CCDC141: variants seen among roughly 807,000 people sequenced by gnomAD.
The protein encoded by CCDC141 is coiled-coil domain containing 141.
In CCDC141, 168 loss-of-function variants were observed where a neutral mutation model predicts 181.0. The ratio of observed to expected loss-of-function variants is 0.93; its 90% confidence interval spans 0.82 to 1.05. CCDC141 has a LOEUF of 1.05. Among genes scored for constraint, CCDC141 ranks in the 50% least tolerant of loss-of-function variants. The pLI is 0.00. For missense variants in CCDC141, 1,902 were observed against 1,788.5 expected (o/e 1.06, Z -1.14); for synonymous variants, 666 against 642.3 (o/e 1.04, Z -0.56).
At chr2:179,033,925 C>T (rs964833182) in intron 2 of CCDC141, among the ~76,000 whole-genome samples, 6 of 152,094 alleles carry the variant, frequency 3.9e-5, no homozygotes, top group Non-Finnish European at 8.8e-5. Flanking sequence ...AGTAAGAAGC[C>T]TGGGGCTCAG....
In CCDC141 at chr2:178,954,507, T is replaced by G. The variant is rs573122152; in HGVS notation, c.780+6723A>C. 3.3e-5 allele frequency among the ~76,000 whole-genome samples: 5 copies of G among 152,302 alleles called. No homozygotes were observed. The South Asian group carries it at 1.0e-3, about 32-fold the overall frequency. On this transcript the variant is annotated intron_variant, in intron 5 of 23. Coordinates refer to ENST00000443758, the MANE Select transcript of CCDC141 (RefSeq NM_173648.4). Reference sequence around the variant, plus strand: ...TCCTGCAATTGATGTGAATCCTAAGTCCCCATCATGCTGGTCACCTAATTT... The same window carrying G: ...TCCTGCAATTGATGTGAATCCTAAGGCCCCATCATGCTGGTCACCTAATTT...
intron 6 of CCDC141, among the ~76,000 whole-genome samples, chr2:178,936,133 C>A (rs116424763): frequency 6.6e-6 from 1 of 151,948 alleles, no homozygotes; most frequent in Admixed American, 6.6e-5. Context: ...TGCTTTGTTG[C>A]AATTGTTTTT....
the CCDC141 span, among the ~76,000 whole-genome samples, chr2:178,824,010 C>G: frequency 6.6e-6 from 1 of 151,330 alleles, no homozygotes; most frequent in Non-Finnish European, 1.5e-5. Context: ...TCATATATCA[C>G]CTGGGCATTT....
chr2:178,883,663 G>C (rs1358833423), intron 11 of CCDC141, among the ~76,000 whole-genome samples: 1 of 152,172 alleles, frequency 6.6e-6, no homozygotes, highest in African/African-American at 2.4e-5. Context: ...CTACCCCTGA[G>C]TGAACCCTAC....
chr2:178,994,186 A>G (rs546192545), intron 2 of CCDC141, among the ~76,000 whole-genome samples: 8 of 152,250 alleles, frequency 5.3e-5, no homozygotes, highest in Admixed American at 2.0e-4. Flanking sequence ...CCAACCCCAC[A>G]TTTCCCTTCT....
At chr2:178,855,238 G>A (rs1321892746) in intron 19 of CCDC141, 109 bp downstream of exon 19, 27 of 847,956 alleles carry the variant, frequency 3.2e-5, no homozygotes, top group Non-Finnish European at 4.6e-5. Context: ...AAAGGAGCAT[G>A]ATACATGAAT....
chr2:179,017,079 C>T (rs936016231), intron 2 of CCDC141, among the ~76,000 whole-genome samples: 10 of 151,782 alleles, frequency 6.6e-5, no homozygotes, highest in Non-Finnish European at 1.2e-4. Context: ...TCATACAGCA[C>T]GAATATTTGT....
At chr2:178,992,617 C>G (rs571406989) in intron 2 of CCDC141, among the ~76,000 whole-genome samples, 1 of 152,246 alleles carries the variant, frequency 6.6e-6, no homozygotes, top group African/African-American at 2.4e-5. Context: ...AAACTGTGAA[C>G]AGTTTTGTGT....
At chr2:178,944,796 G>A in intron 5 of CCDC141, 145 bp from the exon 6 acceptor site, 1 of 422,444 alleles carries the variant, frequency 2.4e-6, no homozygotes, top group Non-Finnish European at 4.2e-6. Flanking sequence ...AAAATAATAT[G>A]AACAAGTTTA....
intron 2 of CCDC141, among the ~76,000 whole-genome samples, chr2:179,014,363 A>G (rs1173951336): frequency 2.6e-5 from 4 of 152,174 alleles, no homozygotes; most frequent in Non-Finnish European, 5.9e-5. Context: ...TTGCTTACGT[A>G]AGGATTTCAT....
At chr2:179,007,625 G>T (rs1188904002) in intron 2 of CCDC141, among the ~76,000 whole-genome samples, 1 of 152,074 alleles carries the variant, frequency 6.6e-6, no homozygotes, top group Non-Finnish European at 1.5e-5. Context: ...ATGGGTGAGG[G>T]TCAGAAACAA....
Position 178,831,345 on chromosome 2 carries a change from T to C in CCDC141, c.*2828A>G, listed in dbSNP as rs1684241853. On this transcript the variant is annotated 3_prime_UTR_variant, in exon 24 of 24. Transcript: ENST00000443758. ...TCTTCAAAGTATCAAGTATTTATAA[T>C]TTGTTTAAGAGTTTAGAAGTTTTAA... 1 of 152,328 alleles carries C rather than the reference T, an allele frequency of 6.6e-6. No homozygotes were observed. The highest frequency in any genetic ancestry group is 1.5e-5 in the Non-Finnish European group (1 of 68,020). The allele number at this position is 152,328 out of a possible 1,614,324, so 9.4% of individuals were successfully genotyped here. A position where few individuals can be genotyped will look rare whatever the true frequency, so the allele number is the denominator to read the frequency against.
At chr2:179,010,079 T>C (rs928173865) in intron 2 of CCDC141, among the ~76,000 whole-genome samples, 2 of 151,994 alleles carry the variant, frequency 1.3e-5, no homozygotes, top group East Asian at 3.9e-4. Context: ...GTTTTTAAAT[T>C]AACCCAATCC....
At chr2:179,002,418 GGACT>G in intron 2 of CCDC141, 1 of 362,434 alleles carries the variant, frequency 2.8e-6, no homozygotes. Flanking sequence ...GGATGTTCCT[GGACT>G]GACTGACACC....
chr2:178,825,139 G>A (rs543943762), downstream of CCDC141, among the ~76,000 whole-genome samples: 3 of 152,240 alleles, frequency 2.0e-5, no homozygotes, highest in South Asian at 2.1e-4. Flanking sequence ...TGCCAAAATA[G>A]CCGTTTGTAT....
At chr2:179,015,603 A>ATATCTCATATATATCTCATATG (rs1553503103) in intron 2 of CCDC141, among the ~76,000 whole-genome samples, 4,439 of 63,668 alleles carry the variant, frequency 0.07, 1,202 homozygotes, top group Non-Finnish European at 0.13. Context: ...TGTATCTCAT[A>ATATCTCATATATATCTCATATG]TATCTCATAT....
chr2:178,955,767 A>G (rs910293758), intron 5 of CCDC141, among the ~76,000 whole-genome samples: 1 of 152,246 alleles, frequency 6.6e-6, no homozygotes, highest in Non-Finnish European at 1.5e-5. Flanking sequence ...ACATTTTAAC[A>G]AAGTATTTTT....
chr2:178,941,823 G>A (rs1036132154), intron 6 of CCDC141, among the ~76,000 whole-genome samples: 2 of 151,354 alleles, frequency 1.3e-5, no homozygotes. Flanking sequence ...TGCCAGGTAT[G>A]GGGGTGTGCA....
At chr2:179,022,106 G>A (rs1384980251) in intron 2 of CCDC141, among the ~76,000 whole-genome samples, 1 of 152,100 alleles carries the variant, frequency 6.6e-6, no homozygotes, top group Non-Finnish European at 1.5e-5. Context: ...ATCTACAGGT[G>A]TATGGACCAA....
Sources: gnomAD v4.1 joint callset for allele counts (sites outside exome capture counted in the v4.1 genomes callset) on GRCh38, gnomAD v4.1.1 for gene constraint, MANE v1.5 for transcripts, NCBI Gene and HGNC (gene_info 2026-07-23, HGNC 2026-07-21) for gene names.